Variants in SLC6A4 observed in about 807,000 individuals in gnomAD.
SLC6A4 encodes solute carrier family 6 member 4.
Under a neutral mutation model 73.4 loss-of-function variants are expected in SLC6A4, and 22 were observed. The ratio of observed to expected loss-of-function variants is 0.30; its 90% CI spans 0.21 to 0.43. The LOEUF is 0.43. Ranked by LOEUF, SLC6A4 falls within the 20% of genes least tolerant of loss-of-function variation. The pLI, the probability that SLC6A4 is intolerant of heterozygous loss-of-function variation, is 1.00. For missense variants in SLC6A4, 593 were observed against 808.5 expected, an observed-to-expected ratio of 0.73 and a Z score of 3.23; for synonymous variants, 270 against 315.5, an observed-to-expected ratio of 0.86 and a Z score of 1.53.
intron 1 of SLC6A4, among the ~76,000 whole-genome samples, chr17:30,229,898 T>C (rs1294191411): frequency 6.6e-6 from 1 of 151,830 alleles, no homozygotes; most frequent in East Asian, 1.9e-4. Flanking sequence ...CGCATGCCTG[T>C]AATACCAGCC....
At chr17:30,222,683 G>A (rs955616299) in intron 2 of SLC6A4, 136 bp downstream of exon 2, 7 of 687,300 alleles carry the variant, frequency 1.0e-5, no homozygotes, top group Admixed American at 9.4e-5. Context: ...TCTGTCACTC[G>A]TCTTTTAGCC....
intron 14 of SLC6A4, among the ~76,000 whole-genome samples, chr17:30,201,965 G>A (rs1389275364): frequency 1.3e-5 from 2 of 151,992 alleles, no homozygotes; most frequent in African/African-American, 2.4e-5. Context: ...TTAGCCAGGC[G>A]CTTGTAGTCC....
intron 1 of SLC6A4, among the ~76,000 whole-genome samples, chr17:30,229,693 A>G (rs1250432517): frequency 2.7e-5 from 4 of 146,234 alleles, no homozygotes; most frequent in African/African-American, 5.0e-5. Flanking sequence ...AGATTACAGC[A>G]TGAGCCACTG....
chr17:30,214,930 GTC>G (rs888480557), intron 8 of SLC6A4, among the ~76,000 whole-genome samples: 47 of 151,266 alleles, frequency 3.1e-4, no homozygotes, highest in African/African-American at 1.0e-3. Flanking sequence ...ACCGCACCCC[GTC>G]TCTCTCTTTC....
At position 30,235,015 on chromosome 17, in the gene SLC6A4, G is replaced by A. The variant is rs1907225330; in HGVS notation, c.-221+598C>T. Among the ~76,000 whole-genome samples the A allele has an allele frequency of 6.6e-6, 1 of 152,084 alleles. No homozygotes were observed. The highest frequency in any genetic ancestry group is 2.1e-4 in the South Asian group (1 of 4,824). On this transcript the variant is annotated intron_variant, in intron 1 of 14. Coordinates refer to ENST00000650711, the MANE Select transcript of SLC6A4 (RefSeq NM_001045.6). This position sits in a 1 kb window ranked among gnomAD's most constrained non-coding sequence, Gnocchi z 4.5. The stretch of plus-strand genomic sequence containing the variant: ...TATCCTTCAACCACGTAGCACAGTC[G>A]TTGGAGTTGGAGTTTCACATACATT...
chr17:30,222,214 T>A, intron 2 of SLC6A4, 133 bp from the exon 3 acceptor site: 1 of 573,170 alleles, frequency 1.7e-6, no homozygotes, highest in Non-Finnish European at 3.1e-6. Flanking sequence ...TGAGACATCC[T>A]ATTTGCTACA....
chr17:30,216,344 A>G, intron 6 of SLC6A4, 128 bp from the exon 7 acceptor site: 1 of 579,342 alleles, frequency 1.7e-6, no homozygotes, highest in Admixed American at 3.0e-5. Flanking sequence ...AGTGTCTTTT[A>G]TTCTTGAAGA....
intron 14 of SLC6A4, among the ~76,000 whole-genome samples, chr17:30,200,801 CAG>C (rs1906007964): frequency 6.6e-6 from 1 of 152,090 alleles, no homozygotes; most frequent in Non-Finnish European, 1.5e-5. Flanking sequence ...TTTTTTGAGA[CAG>C]AGTCTCGCTC....
At chr17:30,209,852 C>T (rs1906328991) in intron 11 of SLC6A4, among the ~76,000 whole-genome samples, 1 of 152,128 alleles carries the variant, frequency 6.6e-6, no homozygotes, top group Admixed American at 6.5e-5. Context: ...TGAACACCTG[C>T]TGTGGACACG....
chr17:30,199,510 T>G (rs1172977472), intron 14 of SLC6A4, among the ~76,000 whole-genome samples: 2 of 152,136 alleles, frequency 1.3e-5, no homozygotes, highest in Non-Finnish European at 2.9e-5. Flanking sequence ...ATGTCTGGAG[T>G]TGCCTTCAAG....
chr17:30,209,347 C>A, intron 11 of SLC6A4, 105 bp from the exon 12 acceptor site: 1 of 730,564 alleles, frequency 1.4e-6, no homozygotes, highest in South Asian at 1.7e-5. Flanking sequence ...CTGGAAAAAT[C>A]CCACCTGGGA....
intron 3 of SLC6A4, 63 bp downstream of exon 3, chr17:30,221,553 A>G: frequency 6.8e-6 from 10 of 1,463,020 alleles, no homozygotes; most frequent in Non-Finnish European, 9.4e-6. Context: ...CCCGGGTCAC[A>G]GCCCACTCCG....
At position 30,235,385 on chromosome 17, in the gene SLC6A4, A is replaced by G. The variant is rs574614958; in HGVS notation, c.-221+228T>C. 6.6e-5 allele frequency among the ~76,000 whole-genome samples: 10 copies of G among 152,280 alleles called. No homozygotes were observed. The highest frequency in any genetic ancestry group is 2.4e-4 in the African/African-American group (10 of 41,574). ...GAGCCCCCTACGCCCGCCCACTTCG[A>G]GCACTCCACGTTCCTCGTCTCCCAC... On this transcript the variant is annotated intron_variant, in intron 1 of 14. Coordinates refer to ENST00000650711, the MANE Select transcript of SLC6A4 (RefSeq NM_001045.6). The surrounding 1 kb of genome is among the most constrained non-coding windows in gnomAD (Gnocchi z 4.5).
At chr17:30,204,775 C>T (rs3794808) in intron 13 of SLC6A4, among the ~76,000 whole-genome samples, 65,809 of 152,052 alleles carry the variant, frequency 0.43, 14,975 homozygotes, top group East Asian at 0.82. Flanking sequence ...ACAGATTTGC[C>T]TCTCTCAGGC....
intron 6 of SLC6A4, 86 bp downstream of exon 6, chr17:30,217,080 G>T: frequency 2.6e-6 from 3 of 1,145,926 alleles, no homozygotes; most frequent in South Asian, 1.5e-5. Flanking sequence ...AGGAAACAGT[G>T]CTGTCTGTCC....
chr17:30,227,023 C>T (rs1266463415), intron 1 of SLC6A4, among the ~76,000 whole-genome samples: 4 of 152,238 alleles, frequency 2.6e-5, no homozygotes, highest in African/African-American at 4.8e-5. Context: ...CCACACATCC[C>T]GTGGTGAACA....
In SLC6A4 at chr17:30,221,789, T is replaced by C; in HGVS notation, c.170A>G (p.Asp57Gly). Residue 57 changes from aspartate (D) to glycine (G), a missense_variant, in exon 3 of 15, where the codon GAT (aspartate) becomes GGT (glycine). By Grantham distance (94) the Asp-to-Gly change is moderately conservative. Coordinates refer to ENST00000650711, the MANE Select transcript of SLC6A4 (RefSeq NM_001045.6). ...CGCTGGGATAGAGTGCCGTGTGTCA[T>C]CTCCCGCACCAGGACTTGGAACTGC... is the stretch of plus-strand genomic sequence containing the variant. ...YSAVPSPGAG[D>G]DTRHSIPATT... The C allele has an allele frequency of 6.2e-7, 1 of 1,614,110 alleles. No homozygotes were observed.
chr17:30,231,893 A>G (rs1280659265), intron 1 of SLC6A4, among the ~76,000 whole-genome samples: 1 of 152,132 alleles, frequency 6.6e-6, no homozygotes, highest in African/African-American at 2.4e-5. Flanking sequence ...CATGCCCATC[A>G]TTACGGAGGG....
chr17:30,226,552 T>C (rs1216984163), intron 1 of SLC6A4, among the ~76,000 whole-genome samples: 1 of 152,096 alleles, frequency 6.6e-6, no homozygotes, highest in Admixed American at 6.5e-5. Flanking sequence ...ATACAAAAAG[T>C]AGCTGGGTGT....
Sources: gnomAD v4.1 joint callset for allele counts (sites outside exome capture counted in the v4.1 genomes callset) on GRCh38, gnomAD v4.1.1 for gene constraint, Gnocchi (gnomAD v3.1) non-coding constraint, MANE v1.5 for transcripts, NCBI Gene and HGNC (gene_info 2026-07-23, HGNC 2026-07-21) for gene names.